Variants in NEXMIF observed in about 807,000 individuals in gnomAD.
NEXMIF encodes XLMR protein related to neurite extension.
In NEXMIF, 8 loss-of-function variants were observed where a neutral mutation model predicts 62.1. That is an observed-to-expected ratio of 0.13 (90% confidence interval 0.08 to 0.23). NEXMIF has a LOEUF of 0.23. NEXMIF is among the 10% of genes least tolerant of loss of function. The pLI, the probability that NEXMIF is intolerant of heterozygous loss-of-function variation, is 1.00. For synonymous variants in NEXMIF, 404 were observed against 416.6 expected (o/e 0.97, Z 0.37); for missense variants, 976 against 1,113.3 (o/e 0.88, Z 1.75).
intron 1 of NEXMIF, among the ~76,000 whole-genome samples, chrX:74,890,793 GTCA>G: frequency 9.0e-6 from 1 of 111,205 alleles, no homozygotes; most frequent in Non-Finnish European, 1.9e-5. Context: ...TGTGGCCACA[GTCA>G]TCATTTGAAA....
At chrX:74,880,983 A>G (rs1217440820) in intron 1 of NEXMIF, among the ~76,000 whole-genome samples, 1 of 111,172 alleles carries the variant, frequency 9.0e-6, no homozygotes, top group Non-Finnish European at 1.9e-5. Context: ...TCTCAGCTCC[A>G]CCTATTTAAA....
chrX:74,794,570 C>G (rs950331965), intron 1 of NEXMIF, among the ~76,000 whole-genome samples: 1 of 112,512 alleles, frequency 8.9e-6, no homozygotes, highest in Non-Finnish European at 1.9e-5. Flanking sequence ...CGCCCCTCCC[C>G]CAGCCTCGCT....
At chrX:74,881,984 T>A (rs1245105599) in intron 1 of NEXMIF, among the ~76,000 whole-genome samples, 1 of 111,581 alleles carries the variant, frequency 9.0e-6, no homozygotes, top group African/African-American at 3.3e-5. Context: ...CATGTAGTGT[T>A]CAAACACAAA....
At chrX:74,771,236 G>A (rs776592517) in intron 1 of NEXMIF, among the ~76,000 whole-genome samples, 1 of 111,267 alleles carries the variant, frequency 9.0e-6, no homozygotes, top group South Asian at 3.8e-4. Flanking sequence ...GACTGGTCGC[G>A]ATCTTCAGGT....
chrX:74,751,117 C>T (rs1383626682), intron 1 of NEXMIF, among the ~76,000 whole-genome samples: 1 of 111,116 alleles, frequency 9.0e-6, no homozygotes, highest in Non-Finnish European at 1.9e-5. Flanking sequence ...GTAGTCCCAG[C>T]CACTTGGTGG....
At chrX:74,744,514 AAG>A (rs1404801597) in intron 2 of NEXMIF, 37 bp from the exon 3 acceptor site, 1 of 1,051,848 alleles carries the variant, frequency 9.5e-7, no homozygotes, top group Non-Finnish European at 1.3e-6. Context: ...GAATAAAATT[AAG>A]AGTCTTAGAC....
chrX:74,883,577 G>A (rs2080675936), intron 1 of NEXMIF, among the ~76,000 whole-genome samples: 1 of 111,619 alleles, frequency 9.0e-6, no homozygotes, highest in African/African-American at 3.3e-5. Flanking sequence ...GAAATGAAGT[G>A]TGAAGAGAAG....
intron 1 of NEXMIF, among the ~76,000 whole-genome samples, chrX:74,847,330 AAAAT>A (rs911756803): frequency 6.2e-5 from 7 of 112,087 alleles, no homozygotes; most frequent in Non-Finnish European, 1.9e-5. Flanking sequence ...CCTTGATAAC[AAAAT>A]AAATATAGTT....
intron 1 of NEXMIF, among the ~76,000 whole-genome samples, chrX:74,908,134 GA>G (rs2147372439): frequency 8.9e-6 from 1 of 111,921 alleles, no homozygotes; most frequent in East Asian, 2.8e-4. Context: ...ACAGATCAGA[GA>G]AAGGCTGAGG....
chrX:74,888,553 G>T (rs2080706103), intron 1 of NEXMIF, among the ~76,000 whole-genome samples: 1 of 110,079 alleles, frequency 9.1e-6, no homozygotes, highest in Admixed American at 9.7e-5. Context: ...GGGGTGAGGG[G>T]CTAGGGGAGG....
At chrX:74,873,807 T>C (rs191894621) in intron 1 of NEXMIF, among the ~76,000 whole-genome samples, 77 of 112,162 alleles carry the variant, frequency 6.9e-4, no homozygotes, top group Admixed American at 6.6e-3. Flanking sequence ...GAAATGTCTG[T>C]TCATGTCCTT....
At chrX:74,767,389 G>A (rs2080198039) in intron 1 of NEXMIF, among the ~76,000 whole-genome samples, 1 of 112,633 alleles carries the variant, frequency 8.9e-6, no homozygotes, top group Non-Finnish European at 1.9e-5. Context: ...CTCTCTGGGA[G>A]CTCCATCCCA....
chrX:74,874,258 C>T lies in NEXMIF; in HGVS notation c.-48+50625G>A, dbSNP rs764197444. Among the ~76,000 whole-genome samples, 644 of 107,206 alleles carry T rather than the reference C, an allele frequency of 6.0e-3. 9 individuals are homozygous for T. Among genetic ancestry groups the T allele is most frequent in the African/African-American group, 0.021 (609 of 29,233 alleles). 93.1% of individuals were successfully genotyped at this position (107,206 alleles called of 115,157 possible). On this transcript the variant is annotated intron_variant, in intron 1 of 3. Coordinates refer to ENST00000055682, the MANE Select transcript of NEXMIF (RefSeq NM_001008537.3). The stretch of plus-strand genomic sequence containing the variant: ...CATTTATTAAATAGGGAATCCTTTC[C>T]CCATTTCTTGTTTTTCTCAGGTTTG...
At chrX:74,754,465 CG>C (rs2080153738) in intron 1 of NEXMIF, among the ~76,000 whole-genome samples, 1 of 107,699 alleles carries the variant, frequency 9.3e-6, no homozygotes, top group Non-Finnish European at 1.9e-5. Context: ...CCTGACACCA[CG>C]CCTGGCTAAT....
intron 1 of NEXMIF, among the ~76,000 whole-genome samples, chrX:74,871,723 A>C (rs2080601714): frequency 9.0e-6 from 1 of 111,540 alleles, no homozygotes; most frequent in Non-Finnish European, 1.9e-5. Flanking sequence ...TGTGAGAAGA[A>C]AAATATGTCT....
intron 1 of NEXMIF, among the ~76,000 whole-genome samples, chrX:74,863,627 G>C (rs2080566268): frequency 9.0e-6 from 1 of 110,695 alleles, no homozygotes; most frequent in Non-Finnish European, 1.9e-5. Context: ...AATTGAGGTA[G>C]TAATAAATAA....
intron 1 of NEXMIF, among the ~76,000 whole-genome samples, chrX:74,757,944 A>G (rs989629977): frequency 2.7e-4 from 30 of 111,969 alleles, no homozygotes; most frequent in African/African-American, 9.4e-4. Flanking sequence ...CTTTTAATCC[A>G]GTGCAGCATG....
intron 1 of NEXMIF, among the ~76,000 whole-genome samples, chrX:74,920,945 G>A (rs2080824720): frequency 9.0e-6 from 1 of 111,533 alleles, no homozygotes; most frequent in African/African-American, 3.3e-5. Flanking sequence ...AGGGTGAGAA[G>A]CTGAAAATTT....
chrX:74,757,011 G>A (rs1362213036), intron 1 of NEXMIF, among the ~76,000 whole-genome samples: 1 of 111,688 alleles, frequency 9.0e-6, no homozygotes, highest in Non-Finnish European at 1.9e-5. Context: ...TCCTGGAGAG[G>A]GCAAGGATGA....
Sources: gnomAD v4.1 joint callset for allele counts (sites outside exome capture counted in the v4.1 genomes callset) on GRCh38, gnomAD v4.1.1 for gene constraint, MANE v1.5 for transcripts, NCBI Gene and HGNC (gene_info 2026-07-23, HGNC 2026-07-21) for gene names.